DAB2IP: variants seen among roughly 807,000 people sequenced by gnomAD.
The protein encoded by DAB2IP is DAB2 interacting protein, also known as disabled homolog 2-interacting protein.
A neutral mutation model predicts 107.2 loss-of-function variants in DAB2IP; 28 were observed. The observed-to-expected ratio is 0.26, with a 90% CI of 0.19 to 0.36. The LOEUF is 0.36. Among genes scored for constraint, DAB2IP ranks in the 10% least tolerant of loss-of-function variants. DAB2IP has a pLI of 1.00. For synonymous variants in DAB2IP, 755 were observed against 706.4 expected, an observed-to-expected ratio of 1.07 and a Z score of -1.09; for missense variants, 1,400 against 1,644.7, an observed-to-expected ratio of 0.85 and a Z score of 2.57.
intron 10 of DAB2IP, among the ~76,000 whole-genome samples, chr9:121,769,747 C>G (rs1834559550): frequency 6.6e-6 from 1 of 152,262 alleles, no homozygotes; most frequent in Admixed American, 6.5e-5. Flanking sequence ...GCAGCCAACA[C>G]TAGTCACTGT....
Position 121,624,671 on chromosome 9 carries a change from C to A in DAB2IP, c.41-54007C>A, listed in dbSNP as rs116840414. Among the ~76,000 whole-genome samples, 590 of 152,288 alleles carry A rather than the reference C, an allele frequency of 3.9e-3. 5 individuals carry two copies. Among genetic ancestry groups the A allele is most frequent in the African/African-American group, 0.013 (550 of 41,554 alleles). On this transcript the variant is annotated intron_variant, in intron 1 of 16. Transcript: ENST00000259371. ...CTTGTATCCTGGGAGCAGCAGGCTACCCACCATCTAGCCTAGGCGTGCAGT... is the reference window on the plus strand; with the variant it reads ...CTTGTATCCTGGGAGCAGCAGGCTAACCACCATCTAGCCTAGGCGTGCAGT...
rs80315580 is a variant in DAB2IP, at chr9:121,782,519, G to A, written c.*21G>A. On this transcript the variant is annotated 3_prime_UTR_variant, in exon 16 of 16. Transcript: ENST00000408936. The surrounding 1 kb of genome is among the most constrained non-coding windows in gnomAD (Gnocchi z 6.1). ...GTTAACCTGCCTGAGGAGGGAGGAA[G>A]CTACCCAAGGAGAGGGGGACTATGG... 253 of 1,611,752 alleles carry A rather than the reference G, an allele frequency of 1.6e-4. 4 individuals are homozygous for A. The South Asian group carries it at 2.2e-3, about 14-fold the overall frequency.
At chr9:121,583,750 C>T (rs917015040) in intron 1 of DAB2IP, among the ~76,000 whole-genome samples, 7 of 152,156 alleles carry the variant, frequency 4.6e-5, no homozygotes, top group African/African-American at 1.7e-4. Flanking sequence ...CTAAGAGCCC[C>T]AAGAGCCTAT....
chr9:121,763,644 C>T, exon 7 of DAB2IP: 1 of 1,612,946 alleles, frequency 6.2e-7, no homozygotes, highest in Non-Finnish European at 8.5e-7. Flanking sequence ...CTGCAGGACG[C>T]CCTAGGTAGG....
chr9:121,619,737 C>T (rs940277717), intron 1 of DAB2IP, among the ~76,000 whole-genome samples: 2 of 152,206 alleles, frequency 1.3e-5, no homozygotes, highest in African/African-American at 2.4e-5. Context: ...TTGTAAACCA[C>T]CTCTGGTGTC....
intron 2 of DAB2IP, among the ~76,000 whole-genome samples, chr9:121,683,497 T>A (rs533597084): frequency 6.6e-6 from 1 of 152,226 alleles, no homozygotes; most frequent in East Asian, 1.9e-4. Flanking sequence ...CCTCGGGAAG[T>A]TGAAAGTGGA....
intron 1 of DAB2IP, among the ~76,000 whole-genome samples, chr9:121,659,802 AAAAAAGAAAAG>A (rs1478306542): frequency 1.3e-5 from 2 of 152,076 alleles, no homozygotes; most frequent in Admixed American, 1.3e-4. Flanking sequence ...TCAAAAAAAG[AAAAAAGAAAAG>A]AAAAAGAAAG....
chr9:121,590,701 A>T (rs940964981), intron 1 of DAB2IP, among the ~76,000 whole-genome samples: 5 of 152,192 alleles, frequency 3.3e-5, no homozygotes, highest in African/African-American at 1.2e-4. Flanking sequence ...AGTATCCAAC[A>T]ACAATAAACA....
chr9:121,677,573 C>T (rs1330762543), intron 1 of DAB2IP, among the ~76,000 whole-genome samples: 1 of 152,150 alleles, frequency 6.6e-6, no homozygotes, highest in African/African-American at 2.4e-5. Context: ...TGTGGCATCC[C>T]AGGAGATGGC....
Position 121,782,245 on chromosome 9 carries a change from A to AC in DAB2IP, c.3403-81dup, listed in dbSNP as rs1835717013. 6.5e-7 allele frequency: 1 copy of AC among 1,529,890 alleles called. No individual in the cohort carries two copies. Among genetic ancestry groups the AC allele is most frequent in the African/African-American group, 1.4e-5 (1 of 72,576 alleles). The allele number at this position is 1,529,890 out of a possible 1,614,324, so 94.8% of individuals were successfully genotyped here. ...TGCCTGCCACCCTCATCTCCAGGCC[A>AC]CCCCCTTCCCCGATGCTTGTCGTAG... On this transcript the variant is annotated intron_variant, in intron 15 of 15. Coordinates refer to ENST00000408936, the Ensembl canonical transcript of DAB2IP. The surrounding 1 kb of genome is among the most constrained non-coding windows in gnomAD (Gnocchi z 6.1).
rs1159925010 is a variant in DAB2IP, at chr9:121,776,153, T to C, written c.3121-45T>C. 1 of 1,550,492 alleles carries C rather than the reference T, an allele frequency of 6.4e-7. No individual in the cohort carries two copies. Among genetic ancestry groups the C allele is most frequent in the Non-Finnish European group, 8.7e-7 (1 of 1,146,860 alleles). On this transcript the variant is annotated intron_variant, in intron 13 of 15. Coordinates refer to ENST00000408936, the Ensembl canonical transcript of DAB2IP. The surrounding 1 kb of genome is among the most constrained non-coding windows in gnomAD (Gnocchi z 5.4). ...CACTCGGGCTGACGAAGCTGTGCTC[T>C]CTGTGTCCTGGGTGCTGTGCCCGTG...
At chr9:121,632,957 C>T (rs1259617157) in intron 1 of DAB2IP, among the ~76,000 whole-genome samples, 1 of 152,228 alleles carries the variant, frequency 6.6e-6, no homozygotes, top group Non-Finnish European at 1.5e-5. Flanking sequence ...TCCATATGCA[C>T]TTTCCCCTAG....
chr9:121,742,077 AG>A (rs943087492), intron 3 of DAB2IP, among the ~76,000 whole-genome samples: 3 of 152,102 alleles, frequency 2.0e-5, no homozygotes, highest in Non-Finnish European at 4.4e-5. Context: ...TGAATGACTC[AG>A]CCCCTGTGGA....
At chr9:121,732,812 A>G (rs1341284282) in intron 3 of DAB2IP, among the ~76,000 whole-genome samples, 1 of 152,186 alleles carries the variant, frequency 6.6e-6, no homozygotes, top group Non-Finnish European at 1.5e-5. Context: ...CATTTTTAGT[A>G]AAATGTAGCA....
At chr9:121,710,973 C>A (rs918922418) in intron 3 of DAB2IP, among the ~76,000 whole-genome samples, 1 of 152,224 alleles carries the variant, frequency 6.6e-6, no homozygotes, top group African/African-American at 2.4e-5. Flanking sequence ...CTGAGGTGGT[C>A]TTGCTCAGTT....
intron 1 of DAB2IP, among the ~76,000 whole-genome samples, chr9:121,607,896 G>A (rs960799893): frequency 2.0e-5 from 3 of 152,208 alleles, no homozygotes; most frequent in Admixed American, 6.5e-5. Context: ...ACCAGGCAAC[G>A]GCTGTTTGCC....
chr9:121,720,283 C>G (rs1589578792), intron 3 of DAB2IP, among the ~76,000 whole-genome samples: 3 of 152,182 alleles, frequency 2.0e-5, no homozygotes. Context: ...GGGCCCAGGC[C>G]TCCTCTCTGG....
exon 16 of DAB2IP, chr9:121,783,171 C>T (rs935964823): frequency 4.5e-6 from 5 of 1,099,022 alleles, no homozygotes; most frequent in Non-Finnish European, 5.6e-6. Context: ...CACCTGCTAC[C>T]TTCTTCCCTG....
At chr9:121,631,223 A>T (rs930994242) in intron 1 of DAB2IP, among the ~76,000 whole-genome samples, 7 of 152,250 alleles carry the variant, frequency 4.6e-5, no homozygotes, top group Non-Finnish European at 8.8e-5. Flanking sequence ...GCACACAGAC[A>T]GCTGAACAGC....
Sources: gnomAD v4.1 joint callset for allele counts (sites outside exome capture counted in the v4.1 genomes callset) on GRCh38, gnomAD v4.1.1 for gene constraint, Gnocchi (gnomAD v3.1) non-coding constraint, MANE v1.5 for transcripts, NCBI Gene and HGNC (gene_info 2026-07-23, HGNC 2026-07-21) for gene names.